GRIK4: variants seen among roughly 807,000 people sequenced by gnomAD.
GRIK4 encodes the protein glutamate ionotropic receptor kainate type subunit 4.
GRIK4 carries 40 observed loss-of-function variants against 104.9 expected under a neutral mutation model. That is an observed-to-expected ratio of 0.38 (90% confidence interval 0.30 to 0.50). GRIK4 has a LOEUF of 0.50. Among genes scored for constraint, GRIK4 ranks in the 20% least tolerant of loss-of-function variants. The pLI is 0.93. For synonymous variants in GRIK4, 485 were observed against 524.9 expected (o/e 0.92, Z 1.04); for missense variants, 1,047 against 1,308.1 (o/e 0.80, Z 3.08).
intron 3 of GRIK4, among the ~76,000 whole-genome samples, chr11:120,696,272 G>A (rs1053521059): frequency 2.0e-5 from 3 of 152,154 alleles, no homozygotes; most frequent in Non-Finnish European, 2.9e-5. Context: ...AAGTGTGTCT[G>A]TCCCAGTGGC....
At chr11:120,841,849 T>C (rs1197750339) in intron 8 of GRIK4, among the ~76,000 whole-genome samples, 1 of 152,194 alleles carries the variant, frequency 6.6e-6, no homozygotes, top group African/African-American at 2.4e-5. Flanking sequence ...TTATTTCTAT[T>C]TGAAGTGTGC....
At chr11:120,794,307 G>C (rs1952467123) in intron 3 of GRIK4, among the ~76,000 whole-genome samples, 1 of 151,946 alleles carries the variant, frequency 6.6e-6, no homozygotes. Context: ...GAGGGGAAGG[G>C]TGGTGTTAGG....
chr11:120,748,013 C>T (rs754186505), intron 3 of GRIK4, among the ~76,000 whole-genome samples: 3 of 152,190 alleles, frequency 2.0e-5, no homozygotes, highest in Non-Finnish European at 2.9e-5. Flanking sequence ...CACTGCCAGG[C>T]GCCTCTGTGG....
At chr11:120,578,906 C>T (rs1009912390) in intron 1 of GRIK4, among the ~76,000 whole-genome samples, 1 of 152,218 alleles carries the variant, frequency 6.6e-6, no homozygotes, top group Non-Finnish European at 1.5e-5. Context: ...GGTTTGAGCC[C>T]TGACTCTGCT....
At chr11:120,945,334 T>C (rs912498584) in intron 14 of GRIK4, among the ~76,000 whole-genome samples, 1 of 152,222 alleles carries the variant, frequency 6.6e-6, no homozygotes, top group Admixed American at 6.5e-5. Context: ...TTAGGTTGCA[T>C]TACATTATTC....
Position 120,986,095 on chromosome 11 carries a change from G to A in GRIK4, c.2706G>A (p.Ala902=). The change falls in exon 21 of 21, where the codon GCG becomes GCA. Residue 902 remains alanine (A), a synonymous_variant. Transcript: ENST00000527524. ...LCGAGEPDQL[A]QRLAQEAALV... is the part of the protein sequence containing the mutation. ...GGGCAGGGGAGCCCGACCAGCTCGC[G>A]CAGAGACTGGCGCAGGAGGCCGCCC... 6.6e-7 allele frequency: 1 copy of A among 1,511,818 alleles called. No homozygotes were observed. 93.7% of individuals were successfully genotyped at this position (1,511,818 alleles called of 1,614,324 possible).
intron 1 of GRIK4, among the ~76,000 whole-genome samples, chr11:120,652,790 TGTA>T (rs1949638762): frequency 6.6e-6 from 1 of 151,888 alleles, no homozygotes; most frequent in Non-Finnish European, 1.5e-5. Context: ...CAATTAATGA[TGTA>T]GTAGCCCTGT....
chr11:120,626,253 C>G (rs1949257031), intron 1 of GRIK4, among the ~76,000 whole-genome samples: 1 of 152,182 alleles, frequency 6.6e-6, no homozygotes, highest in South Asian at 2.1e-4. Context: ...GGCCCTGCCC[C>G]TTTCCTGTGT....
intron 1 of GRIK4, among the ~76,000 whole-genome samples, chr11:120,641,249 T>C (rs925868294): frequency 6.6e-6 from 1 of 152,246 alleles, no homozygotes; most frequent in Admixed American, 6.5e-5. Flanking sequence ...TTCAATTTGG[T>C]ATGCTAAAAA....
intron 3 of GRIK4, among the ~76,000 whole-genome samples, chr11:120,688,465 CT>C (rs1370258888): frequency 6.6e-6 from 1 of 152,144 alleles, no homozygotes; most frequent in Non-Finnish European, 1.5e-5. Flanking sequence ...TCTGGGCTGC[CT>C]CACCATGAAG....
chr11:120,586,247 G>T (rs1334377958), intron 1 of GRIK4, among the ~76,000 whole-genome samples: 6 of 152,136 alleles, frequency 3.9e-5, no homozygotes, highest in Non-Finnish European at 7.3e-5. Flanking sequence ...AGTTTGCCAA[G>T]AGATAATCTA....
chr11:120,924,083 G>A (rs1206302768), intron 13 of GRIK4, among the ~76,000 whole-genome samples: 1 of 152,192 alleles, frequency 6.6e-6, no homozygotes, highest in East Asian at 1.9e-4. Context: ...AGGCAGAGTT[G>A]GCTCCTCTGG....
chr11:120,539,875 C>T (rs1948015224), intron 1 of GRIK4, among the ~76,000 whole-genome samples: 1 of 152,132 alleles, frequency 6.6e-6, no homozygotes, highest in South Asian at 2.1e-4. Context: ...TTTCAAAGGC[C>T]TTTTCAAGGT....
At chr11:120,600,459 A>T (rs1490730509) in intron 1 of GRIK4, among the ~76,000 whole-genome samples, 2 of 152,174 alleles carry the variant, frequency 1.3e-5, no homozygotes, top group Non-Finnish European at 2.9e-5. Context: ...ACTCAGGGAA[A>T]TGGGGTTCCT....
In GRIK4 at chr11:120,612,696, A is replaced by G. The variant is rs146121890; in HGVS notation, c.-158-40989A>G. On this transcript the variant is annotated intron_variant, in intron 1 of 20. Coordinates refer to ENST00000527524, the MANE Select transcript of GRIK4 (RefSeq NM_014619.5). The stretch of plus-strand genomic sequence containing the variant: ...AGGCAAAAGATCTCAGTTAAAGGGA[A>G]TTATTAGACTTGACACTAGAAGTTG... Among the ~76,000 whole-genome samples, 283 of 152,316 alleles carry G rather than the reference A, an allele frequency of 1.9e-3. 1 individual carries two copies. Among genetic ancestry groups the G allele is most frequent in the African/African-American group, 6.1e-3 (252 of 41,566 alleles).
intron 1 of GRIK4, among the ~76,000 whole-genome samples, chr11:120,531,909 G>A (rs140201724): frequency 1.3e-5 from 2 of 152,108 alleles, no homozygotes; most frequent in South Asian, 2.1e-4. Context: ...CAACCTCATG[G>A]TTGTGGCCCA....
chr11:120,899,411 A>G (rs948224239), intron 12 of GRIK4, among the ~76,000 whole-genome samples: 6 of 137,058 alleles, frequency 4.4e-5, no homozygotes, highest in Non-Finnish European at 9.2e-5. Flanking sequence ...ACAGAGTGAG[A>G]CTGTCTCAAA....
At position 120,940,349 on chromosome 11, in the gene GRIK4, A is replaced by G. The variant is rs1340815417; in HGVS notation, c.1479A>G (p.Lys493=). The G allele has an allele frequency of 1.2e-6, 2 of 1,605,634 alleles. No homozygotes were observed. Among genetic ancestry groups the G allele is most frequent in the Admixed American group, 1.7e-5 (1 of 59,694 alleles). ...TGMVGELIAR[K]ADLAVAGLTI... ...CGGGCTGTCTCTGTTCTTTTCAGAAAGCAGATCTGGCTGTGGCAGGCCTCA... is the reference window on the plus strand; with the variant it reads ...CGGGCTGTCTCTGTTCTTTTCAGAAGGCAGATCTGGCTGTGGCAGGCCTCA... The change falls in exon 14 of 21, where the codon AAA becomes AAG. Residue 493 remains lysine (K), a splice_region_variant and synonymous_variant. Transcript: ENST00000527524. This position sits in a 1 kb window ranked among gnomAD's most constrained non-coding sequence, Gnocchi z 4.3.
rs548013754 is a variant in GRIK4, at chr11:120,902,593, A to G, written c.1273-2697A>G. The stretch of plus-strand genomic sequence containing the variant: ...TTGCTTCTTACTCACATGATCGGCA[A>G]GTGCTTAATGCTGAGCCAGGTAGGG... On this transcript the variant is annotated intron_variant, in intron 12 of 20. Transcript: ENST00000527524. This position sits in a 1 kb window ranked among gnomAD's most constrained non-coding sequence, Gnocchi z 4.5. Among the ~76,000 whole-genome samples, 1 of 152,246 alleles carries G rather than the reference A, an allele frequency of 6.6e-6. No individual in the cohort carries two copies. The highest frequency in any genetic ancestry group is 2.4e-5 in the African/African-American group (1 of 41,548).
Sources: gnomAD v4.1 joint callset for allele counts (sites outside exome capture counted in the v4.1 genomes callset) on GRCh38, gnomAD v4.1.1 for gene constraint, Gnocchi (gnomAD v3.1) non-coding constraint, MANE v1.5 for transcripts, NCBI Gene and HGNC (gene_info 2026-07-23, HGNC 2026-07-21) for gene names.